The following EDIL3 variants were observed in gnomAD, a reference collection of about 807,000 sequenced individuals.
EDIL3 encodes the protein EGF-like repeat and discoidin I-like domain-containing protein 3.
Under a neutral mutation model 67.4 loss-of-function variants are expected in EDIL3, and 37 were observed. The ratio of observed to expected loss-of-function variants is 0.55; its 90% confidence interval spans 0.42 to 0.72. EDIL3 has a LOEUF of 0.72. EDIL3 is among the 30% of genes least tolerant of loss of function. The pLI is 0.00. For synonymous variants in EDIL3, 195 were observed against 196.3 expected, an observed-to-expected ratio of 0.99 and a Z score of 0.05; for missense variants, 527 against 586.3, an observed-to-expected ratio of 0.90 and a Z score of 1.04.
chr5:84,300,033 C>G (rs1302718096), intron 1 of EDIL3, among the ~76,000 whole-genome samples: 1 of 152,088 alleles, frequency 6.6e-6, no homozygotes, highest in Non-Finnish European at 1.5e-5. Flanking sequence ...TTATCATGAA[C>G]TGACTGGCTA....
intron 9 of EDIL3, among the ~76,000 whole-genome samples, chr5:83,983,720 C>A (rs927875627): frequency 5.4e-5 from 8 of 149,164 alleles, no homozygotes; most frequent in Admixed American, 4.0e-4. Flanking sequence ...GACAATCTGA[C>A]AGGTGGGAGG....
intron 1 of EDIL3, among the ~76,000 whole-genome samples, chr5:84,273,041 T>C (rs933420365): frequency 2.6e-5 from 4 of 152,094 alleles, no homozygotes; most frequent in Non-Finnish European, 5.9e-5. Context: ...AGTATCTAGT[T>C]AGGATCAGAG....
At chr5:84,292,917 A>C (rs748563955) in intron 1 of EDIL3, among the ~76,000 whole-genome samples, 5 of 152,154 alleles carry the variant, frequency 3.3e-5, no homozygotes, top group Non-Finnish European at 4.4e-5. Context: ...CCTAGCACGC[A>C]AGTCCCTCCC....
At chr5:84,279,928 C>T (rs1420489844) in intron 1 of EDIL3, among the ~76,000 whole-genome samples, 2 of 152,108 alleles carry the variant, frequency 1.3e-5, no homozygotes, top group East Asian at 1.9e-4. Context: ...GTCTCTTTGC[C>T]GCTATTTAAT....
intron 9 of EDIL3, among the ~76,000 whole-genome samples, chr5:84,020,563 A>C (rs1745696901): frequency 6.6e-6 from 1 of 151,902 alleles, no homozygotes; most frequent in Non-Finnish European, 1.5e-5. Context: ...TACTAGATTA[A>C]AGTGGTCACC....
chr5:84,071,284 A>G (rs1464936444), intron 6 of EDIL3, among the ~76,000 whole-genome samples: 2 of 152,348 alleles, frequency 1.3e-5, no homozygotes, highest in Admixed American at 6.5e-5. Context: ...AAGCTGGGAC[A>G]TGAATTTTAC....
intron 10 of EDIL3, among the ~76,000 whole-genome samples, chr5:83,947,209 A>G (rs1352108574): frequency 1.3e-5 from 2 of 151,798 alleles, no homozygotes; most frequent in South Asian, 2.1e-4. Context: ...GAGACTTTCT[A>G]AAGTTTTTTC....
At chr5:84,101,929 A>C (rs1274770560) in intron 6 of EDIL3, among the ~76,000 whole-genome samples, 1 of 152,032 alleles carries the variant, frequency 6.6e-6, no homozygotes, top group Middle Eastern at 3.2e-3. Flanking sequence ...AACAAAATAC[A>C]AGCAAATTGA....
intron 9 of EDIL3, among the ~76,000 whole-genome samples, chr5:84,034,712 A>AT (rs1745986751): frequency 6.6e-6 from 1 of 152,276 alleles, no homozygotes; most frequent in Non-Finnish European, 1.5e-5. Flanking sequence ...TGTTGGCTCC[A>AT]TTTTTTAAGA....
intron 2 of EDIL3, among the ~76,000 whole-genome samples, chr5:84,250,985 C>A (rs1247860106): frequency 1.4e-4 from 21 of 152,122 alleles, no homozygotes; most frequent in Admixed American, 1.4e-3. Flanking sequence ...CCTCAAAATA[C>A]CCACATGTGT....
chr5:84,376,528 T>C (rs970156905), intron 1 of EDIL3, among the ~76,000 whole-genome samples: 5 of 152,232 alleles, frequency 3.3e-5, no homozygotes, highest in African/African-American at 9.6e-5. Flanking sequence ...TTGAATATTA[T>C]ATTATCAACA....
intron 4 of EDIL3, among the ~76,000 whole-genome samples, chr5:84,161,449 T>C (rs753568877): frequency 6.6e-6 from 1 of 151,934 alleles, no homozygotes; most frequent in Non-Finnish European, 1.5e-5. Context: ...AGCACTGGGG[T>C]TTCTCATTAA....
At chr5:84,231,671 G>A (rs1049079564) in intron 2 of EDIL3, among the ~76,000 whole-genome samples, 5 of 152,152 alleles carry the variant, frequency 3.3e-5, no homozygotes, top group Non-Finnish European at 7.4e-5. Flanking sequence ...TAAAGAAATG[G>A]AGAGAGCAAA....
At chr5:84,052,981 C>A (rs1292383399) in intron 9 of EDIL3, among the ~76,000 whole-genome samples, 6 of 152,184 alleles carry the variant, frequency 3.9e-5, no homozygotes, top group African/African-American at 1.4e-4. Flanking sequence ...ACAGAACTCT[C>A]CACCCCAAAT....
At chr5:84,337,519 C>A (rs1258277758) in intron 1 of EDIL3, among the ~76,000 whole-genome samples, 1 of 152,024 alleles carries the variant, frequency 6.6e-6, no homozygotes, top group African/African-American at 2.4e-5. Flanking sequence ...ACATGTATAT[C>A]TTCAGGGGAC....
chr5:84,319,254 C>T lies in EDIL3; in HGVS notation c.68-65042G>A, dbSNP rs1432053283. ...TTGGGAGGCCGAGGCGGGCGGATCA[C>T]GAGGTCAGGAGATCGAGACCACGGT... On this transcript the variant is annotated intron_variant, in intron 1 of 10. Coordinates refer to ENST00000296591, the MANE Select transcript of EDIL3 (RefSeq NM_005711.5). Among the ~76,000 whole-genome samples, 3 of 79,666 alleles carry T rather than the reference C, an allele frequency of 3.8e-5. 1 individual carries two copies. The highest frequency in any genetic ancestry group is 5.9e-5 in the Non-Finnish European group (2 of 33,832). The allele number at this position is 79,666 out of a possible 152,430, so 52.3% of individuals were successfully genotyped here.
chr5:84,255,363 T>G (rs1337107860), intron 1 of EDIL3, among the ~76,000 whole-genome samples: 1 of 152,278 alleles, frequency 6.6e-6, no homozygotes, highest in South Asian at 2.1e-4. Flanking sequence ...TCTAGAGACC[T>G]TAAGGATTGT....
intron 1 of EDIL3, among the ~76,000 whole-genome samples, chr5:84,362,621 A>G (rs1747632315): frequency 6.6e-6 from 1 of 152,164 alleles, no homozygotes; most frequent in Non-Finnish European, 1.5e-5. Flanking sequence ...GCTTATATTC[A>G]AGGCTTTGTG....
intron 1 of EDIL3, among the ~76,000 whole-genome samples, chr5:84,364,434 C>G (rs1488941171): frequency 2.0e-5 from 3 of 152,094 alleles, no homozygotes; most frequent in Admixed American, 1.3e-4. Context: ...GTTATACAAT[C>G]CTATACCTAC....
Sources: gnomAD v4.1 joint callset for allele counts (sites outside exome capture counted in the v4.1 genomes callset) on GRCh38, gnomAD v4.1.1 for gene constraint, MANE v1.5 for transcripts, NCBI Gene and HGNC (gene_info 2026-07-23, HGNC 2026-07-21) for gene names.